The following ABTB3 variants were observed in gnomAD, a reference collection of about 807,000 sequenced individuals.
ABTB3 encodes ankyrin repeat- and BTB/POZ domain-containing protein 3.
At chr12:107,507,769 C>T in the ABTB3 span, among the ~76,000 whole-genome samples, 4 of 152,174 alleles carry the variant, frequency 2.6e-5, no homozygotes, top group Non-Finnish European at 5.9e-5. Context: ...TCCCTATGCC[C>T]TCCTCTTCCC....
At chr12:107,603,612 A>C in the ABTB3 span, among the ~76,000 whole-genome samples, 5 of 152,352 alleles carry the variant, frequency 3.3e-5, no homozygotes, top group Admixed American at 6.5e-5. Flanking sequence ...TAGAAAACAC[A>C]GGTGGAAATT....
the ABTB3 span, among the ~76,000 whole-genome samples, chr12:107,397,494 T>C: frequency 2.0e-5 from 3 of 152,170 alleles, no homozygotes; most frequent in Non-Finnish European, 4.4e-5. Context: ...TGTGTCTGTG[T>C]GTGTTCCTGA....
the ABTB3 span, among the ~76,000 whole-genome samples, chr12:107,330,314 T>G: frequency 1.3e-5 from 2 of 152,172 alleles, no homozygotes; most frequent in African/African-American, 4.8e-5. Context: ...AAAGATCATG[T>G]TGGCATTAGT....
At chr12:107,382,168 A>G in the ABTB3 span, among the ~76,000 whole-genome samples, 11 of 152,216 alleles carry the variant, frequency 7.2e-5, no homozygotes, top group Admixed American at 2.0e-4. Flanking sequence ...GGACTCCCTC[A>G]GGTTGGGCAT....
the ABTB3 span, among the ~76,000 whole-genome samples, chr12:107,365,030 C>T: frequency 2.0e-5 from 3 of 152,212 alleles, no homozygotes; most frequent in Non-Finnish European, 2.9e-5. Context: ...AGGTAGCATT[C>T]GCAGTGTTTG....
the ABTB3 span, among the ~76,000 whole-genome samples, chr12:107,469,055 G>A: frequency 1.3e-5 from 2 of 152,166 alleles, no homozygotes; most frequent in Admixed American, 6.5e-5. Flanking sequence ...CTTGTTGATG[G>A]GTGAGGGCTG....
the ABTB3 span, among the ~76,000 whole-genome samples, chr12:107,628,941 C>G: frequency 6.6e-6 from 1 of 152,156 alleles, no homozygotes; most frequent in Non-Finnish European, 1.5e-5. Context: ...CCACATAGAA[C>G]TCCAGCCTGA....
At chr12:107,651,830 G>A in the ABTB3 span, 3 of 1,539,640 alleles carry the variant, frequency 1.9e-6, no homozygotes, top group Admixed American at 1.7e-5. Context: ...CAGGAGCGCT[G>A]AAGCCGGGGA....
chr12:107,423,979 A>T, the ABTB3 span, among the ~76,000 whole-genome samples: 2 of 152,130 alleles, frequency 1.3e-5, no homozygotes. Flanking sequence ...AGTTAAGAAG[A>T]TTCCCAAAGC....
At chr12:107,609,484 TG>T in the ABTB3 span, among the ~76,000 whole-genome samples, 1 of 152,246 alleles carries the variant, frequency 6.6e-6, no homozygotes, top group Non-Finnish European at 1.5e-5. Flanking sequence ...TTTATATTCC[TG>T]TTTGATCTTG....
the ABTB3 span, among the ~76,000 whole-genome samples, chr12:107,648,380 CCA>C: frequency 0.14 from 20,222 of 140,000 alleles, 1,559 homozygotes; most frequent in South Asian, 0.27. Context: ...GACCCCATCT[CCA>C]CACACACACA....
the ABTB3 span, among the ~76,000 whole-genome samples, chr12:107,594,526 A>G: frequency 6.6e-6 from 1 of 152,198 alleles, no homozygotes; most frequent in African/African-American, 2.4e-5. Flanking sequence ...TGCTGAGATA[A>G]TATAATTTTA....
At chr12:107,368,231 C>A in the ABTB3 span, among the ~76,000 whole-genome samples, 4 of 152,198 alleles carry the variant, frequency 2.6e-5, no homozygotes, top group Admixed American at 6.5e-5. Flanking sequence ...CCATTCAACA[C>A]GGCAGAGAGA....
chr12:107,625,571 G>T, the ABTB3 span, among the ~76,000 whole-genome samples: 2 of 152,164 alleles, frequency 1.3e-5, no homozygotes, highest in African/African-American at 4.8e-5. Context: ...TTGGGGGTAG[G>T]TGGGGGCAGG....
At chr12:107,483,827 C>T in the ABTB3 span, among the ~76,000 whole-genome samples, 1 of 152,156 alleles carries the variant, frequency 6.6e-6, no homozygotes, top group African/African-American at 2.4e-5. Flanking sequence ...GCTGGGACTA[C>T]AAGCACATGC....
At chr12:107,570,695 T>C in the ABTB3 span, among the ~76,000 whole-genome samples, 2 of 152,274 alleles carry the variant, frequency 1.3e-5, no homozygotes, top group South Asian at 4.2e-4. Flanking sequence ...TGTAGTCCTA[T>C]CTGAGGAAGA....
At chr12:107,375,384 C>CTA in the ABTB3 span, among the ~76,000 whole-genome samples, 3 of 152,108 alleles carry the variant, frequency 2.0e-5, no homozygotes, top group Admixed American at 6.5e-5. Context: ...TGCCGCTGCA[C>CTA]TCTAGCTTGA....
chr12:107,645,712 A>C, the ABTB3 span, among the ~76,000 whole-genome samples: 1 of 152,244 alleles, frequency 6.6e-6, no homozygotes, highest in African/African-American at 2.4e-5. Flanking sequence ...CTTGGCTCGT[A>C]GTAGGCGCTC....
At chr12:107,328,928 G>A in the ABTB3 span, among the ~76,000 whole-genome samples, 28 of 152,260 alleles carry the variant, frequency 1.8e-4, 1 homozygote, top group South Asian at 2.1e-3. Flanking sequence ...ATATGTGGTC[G>A]CAGGTCTTTT....
Sources: gnomAD v4.1 joint callset for allele counts (sites outside exome capture counted in the v4.1 genomes callset) on GRCh38, gnomAD v4.1.1 for gene constraint, MANE v1.5 for transcripts, NCBI Gene and HGNC (gene_info 2026-07-23, HGNC 2026-07-21) for gene names.